LRP1B: variants seen among roughly 807,000 people sequenced by gnomAD.
LRP1B encodes low-density lipoprotein receptor-related protein 1B.
A neutral mutation model predicts 556.6 loss-of-function variants in LRP1B; 217 were observed. The observed-to-expected ratio is 0.39, with a 90% confidence interval of 0.35 to 0.44. The LOEUF (loss-of-function observed/expected upper bound fraction) is 0.44. Among genes scored for constraint, LRP1B ranks in the 20% least tolerant of loss-of-function variants. LRP1B has a pLI of 1.00. For missense variants in LRP1B, 5,053 were observed against 5,620.8 expected (o/e 0.90, Z 3.23); for synonymous variants, 2,047 against 1,865.8 (o/e 1.10, Z -2.50).
chr2:140,952,621 A>T (rs1695751924), intron 18 of LRP1B, among the ~76,000 whole-genome samples: 1 of 152,170 alleles, frequency 6.6e-6, no homozygotes, highest in South Asian at 2.1e-4. Flanking sequence ...CCTTTAGATA[A>T]TTACAACAGA....
intron 3 of LRP1B, among the ~76,000 whole-genome samples, chr2:141,359,050 C>T (rs1303633714): frequency 6.6e-6 from 1 of 151,528 alleles, no homozygotes; most frequent in African/African-American, 2.4e-5. Flanking sequence ...CTATGAAAAA[C>T]AAATCTATGA....
chr2:140,369,345 C>T (rs1269119631), intron 71 of LRP1B, among the ~76,000 whole-genome samples: 1 of 151,778 alleles, frequency 6.6e-6, no homozygotes, highest in South Asian at 2.1e-4. Context: ...ATGAACTAGG[C>T]GGGTGGTAGT....
intron 43 of LRP1B, among the ~76,000 whole-genome samples, chr2:140,566,839 C>A (rs1372398996): frequency 6.6e-6 from 1 of 152,160 alleles, no homozygotes; most frequent in African/African-American, 2.4e-5. Context: ...AAGCAGCAGC[C>A]TGACTCCTAT....
intron 1 of LRP1B, among the ~76,000 whole-genome samples, chr2:141,848,138 T>C (rs948776694): frequency 6.6e-6 from 1 of 151,530 alleles, no homozygotes; most frequent in Non-Finnish European, 1.5e-5. Context: ...TATTAGAAAG[T>C]AAATGACACA....
intron 1 of LRP1B, among the ~76,000 whole-genome samples, chr2:141,853,280 T>C (rs1697926189): frequency 1.3e-5 from 2 of 151,688 alleles, no homozygotes; most frequent in African/African-American, 2.4e-5. Flanking sequence ...GCAAACAACC[T>C]GTTCTTAAAA....
At chr2:141,690,465 C>T (rs2105444868) in intron 2 of LRP1B, among the ~76,000 whole-genome samples, 2 of 123,640 alleles carry the variant, frequency 1.6e-5, no homozygotes, top group East Asian at 2.3e-4. Context: ...ATACATTAGT[C>T]ATGGAGGACT....
chr2:141,048,877 C>T (rs1698955641), intron 11 of LRP1B, 109 bp downstream of exon 11: 3 of 824,324 alleles, frequency 3.6e-6, no homozygotes, highest in African/African-American at 3.4e-5. Context: ...TTTGAACCAA[C>T]CAGAAGAACT....
chr2:141,873,957 T>C (rs1422944639), intron 1 of LRP1B, among the ~76,000 whole-genome samples: 3 of 151,788 alleles, frequency 2.0e-5, no homozygotes, highest in Non-Finnish European at 4.4e-5. Context: ...AGACATACAA[T>C]AATATTTGAA....
chr2:140,982,122 A>G (rs1368008013), intron 18 of LRP1B, 38 bp downstream of exon 18: 2 of 1,507,090 alleles, frequency 1.3e-6, no homozygotes, highest in East Asian at 2.3e-5. Flanking sequence ...CCTATCTGAC[A>G]CAATCTGTAA....
At chr2:141,398,110 A>T (rs1690309919) in intron 3 of LRP1B, among the ~76,000 whole-genome samples, 3 of 152,164 alleles carry the variant, frequency 2.0e-5, no homozygotes, top group Admixed American at 2.0e-4. Context: ...TAAATTCACA[A>T]ATAAACATAT....
At chr2:141,378,968 T>C (rs574297272) in intron 3 of LRP1B, among the ~76,000 whole-genome samples, 1 of 152,200 alleles carries the variant, frequency 6.6e-6, no homozygotes, top group Admixed American at 6.5e-5. Context: ...GAATACATTA[T>C]AGTTGAAAAC....
chr2:141,904,754 C>T (rs1009781388), intron 1 of LRP1B, among the ~76,000 whole-genome samples: 1 of 151,988 alleles, frequency 6.6e-6, no homozygotes, highest in East Asian at 1.9e-4. Flanking sequence ...GGCAACCTAG[C>T]AAAGGTTAGA....
At chr2:141,010,951 GGTGTGTGTGTGT>G (rs71995663) in intron 14 of LRP1B, among the ~76,000 whole-genome samples, 2 of 144,628 alleles carry the variant, frequency 1.4e-5, no homozygotes, top group East Asian at 2.0e-4. Context: ...CTTGTCAGAT[GGTGTGTGTGTGT>G]GTGTGTGTGT....
At chr2:141,961,086 TGCA>T (rs1203367916) in intron 1 of LRP1B, among the ~76,000 whole-genome samples, 1 of 151,704 alleles carries the variant, frequency 6.6e-6, no homozygotes, top group African/African-American at 2.4e-5. Flanking sequence ...TATAGCAAAA[TGCA>T]GCATTTGAAG....
At chr2:140,397,158 A>C (rs1303189436) in intron 66 of LRP1B, among the ~76,000 whole-genome samples, 1 of 152,144 alleles carries the variant, frequency 6.6e-6, no homozygotes. Flanking sequence ...TCAAGCCTAT[A>C]AAATTACTTT....
At chr2:140,456,728 A>T (rs962569529) in intron 61 of LRP1B, 125 bp from the exon 62 acceptor site, 2 of 625,426 alleles carry the variant, frequency 3.2e-6, no homozygotes, top group Non-Finnish European at 2.5e-6. Flanking sequence ...GTACTCAAGA[A>T]CTCATCAAGA....
At chr2:141,173,089 A>T (rs994026112) in intron 7 of LRP1B, among the ~76,000 whole-genome samples, 6 of 151,572 alleles carry the variant, frequency 4.0e-5, no homozygotes, top group African/African-American at 1.5e-4. Context: ...TTATATCCAT[A>T]GCTTCAATTA....
chr2:141,704,547 C>T (rs942215615), intron 2 of LRP1B, among the ~76,000 whole-genome samples: 4 of 151,916 alleles, frequency 2.6e-5, no homozygotes, highest in Admixed American at 2.0e-4. Context: ...TTCTTGCTCC[C>T]CACTGCTCCC....
intron 1 of LRP1B, among the ~76,000 whole-genome samples, chr2:142,089,249 T>C (rs1024138581): frequency 1.3e-5 from 2 of 152,000 alleles, no homozygotes; most frequent in Non-Finnish European, 2.9e-5. Flanking sequence ...ATCTACAATA[T>C]CCTTTGATAG....
Sources: gnomAD v4.1 joint callset for allele counts (sites outside exome capture counted in the v4.1 genomes callset) on GRCh38, gnomAD v4.1.1 for gene constraint, MANE v1.5 for transcripts, NCBI Gene and HGNC (gene_info 2026-07-23, HGNC 2026-07-21) for gene names.